The following COL4A1 variants were observed in gnomAD, a reference collection of about 807,000 sequenced individuals.
COL4A1 encodes collagen alpha-1(IV) chain.
COL4A1 carries 40 observed loss-of-function variants against 216.6 expected under a neutral mutation model. The ratio of observed to expected loss-of-function variants is 0.18; its 90% CI spans 0.14 to 0.24. The LOEUF (loss-of-function observed/expected upper bound fraction) is 0.24. Ranked by LOEUF, COL4A1 falls within the 10% of genes least tolerant of loss-of-function variation. The pLI is 1.00. For synonymous variants in COL4A1, 839 were observed against 810.7 expected, an observed-to-expected ratio of 1.03 and a Z score of -0.59; for missense variants, 1,628 against 2,196.8, an observed-to-expected ratio of 0.74 and a Z score of 5.18.
chr13:110,152,599 C>T, intron 50 of COL4A1, 93 bp from the exon 51 acceptor site: 3 of 1,410,558 alleles, frequency 2.1e-6, no homozygotes, highest in Non-Finnish European at 2.9e-6. Context: ...AGGGTGTTCC[C>T]TCTGGAAAGC....
At chr13:110,154,660 T>G (rs1001751682) in intron 50 of COL4A1, among the ~76,000 whole-genome samples, 1 of 152,284 alleles carries the variant, frequency 6.6e-6, no homozygotes, top group African/African-American at 2.4e-5. Flanking sequence ...AAGCTGCTCA[T>G]AGAGAGAAGC....
At chr13:110,170,491 C>A (rs1877585333) in intron 42 of COL4A1, 56 bp downstream of exon 42, 1 of 1,525,050 alleles carries the variant, frequency 6.6e-7, no homozygotes, top group African/African-American at 1.4e-5. Flanking sequence ...TACGCTATTT[C>A]CTTTTGTGAA....
intron 1 of COL4A1, among the ~76,000 whole-genome samples, chr13:110,273,918 C>G (rs1883342305): frequency 6.6e-6 from 1 of 152,210 alleles, no homozygotes; most frequent in Admixed American, 6.5e-5. Context: ...ACTAAATGAT[C>G]CCATTTCCCT....
intron 43 of COL4A1, 114 bp downstream of exon 43, chr13:110,169,515 C>CACACAG (rs1566345815): frequency 1.3e-6 from 2 of 1,534,768 alleles, no homozygotes. Flanking sequence ...CACACACACA[C>CACACAG]ACACACACAC....
At position 110,186,366 on chromosome 13, in the gene COL4A1, C is replaced by T. The variant is rs778179904; in HGVS notation, c.1897+19G>A. The T allele has an allele frequency of 1.9e-6, 3 of 1,612,434 alleles. No individual in the cohort carries two copies. The highest frequency in any genetic ancestry group is 8.5e-7 in the Non-Finnish European group (1 of 1,180,000). ...CCGTTTACAACTTCATGCTGCATCACGAGTTTCTCAGGCCTCACCTGGCAG... is the reference window on the plus strand; with the variant it reads ...CCGTTTACAACTTCATGCTGCATCATGAGTTTCTCAGGCCTCACCTGGCAG... On this transcript the variant is annotated intron_variant, in intron 26 of 51. Transcript: ENST00000375820.
chr13:110,154,046 A>G (rs1594528861), intron 50 of COL4A1, among the ~76,000 whole-genome samples: 1 of 152,230 alleles, frequency 6.6e-6, no homozygotes, highest in East Asian at 1.9e-4. Flanking sequence ...TACAATTGGA[A>G]TAATTTACAG....
At chr13:110,293,449 C>A (rs1382203994) in intron 1 of COL4A1, among the ~76,000 whole-genome samples, 3 of 152,178 alleles carry the variant, frequency 2.0e-5, no homozygotes, top group East Asian at 3.8e-4. Context: ...TCAAATGGCA[C>A]AAGTGCACAT....
chr13:110,305,749 A>C (rs867838011), intron 1 of COL4A1: 2 of 152,398 alleles, frequency 1.3e-5, no homozygotes, highest in Middle Eastern at 6.8e-3. Flanking sequence ...AGCTGCCTCC[A>C]GGGAGATAAG....
At chr13:110,306,695 C>G (rs995790415) in intron 1 of COL4A1, among the ~76,000 whole-genome samples, 37 of 152,254 alleles carry the variant, frequency 2.4e-4, no homozygotes, top group Admixed American at 3.9e-4. Flanking sequence ...CGGGCTGTTT[C>G]TCCTCCCTTC....
In COL4A1 at chr13:110,211,697, A is replaced by C. The variant is rs1879803387; in HGVS notation, c.442-24T>G. ...CCCTAAAAAAGAAAGTTTTGGTGTT[A>C]GTTTTGTTTTTCTCAAAATATCATT... On this transcript the variant is annotated intron_variant, in intron 7 of 51. Coordinates refer to ENST00000375820, the MANE Select transcript of COL4A1 (RefSeq NM_001845.6). This position sits in a 1 kb window ranked among gnomAD's most constrained non-coding sequence, Gnocchi z 4.3. The C allele has an allele frequency of 6.2e-7, 1 of 1,607,922 alleles. No homozygotes were observed. The highest frequency in any genetic ancestry group is 8.5e-7 in the Non-Finnish European group (1 of 1,177,254).
chr13:110,297,596 C>A (rs1193617050), intron 1 of COL4A1, among the ~76,000 whole-genome samples: 1 of 152,136 alleles, frequency 6.6e-6, no homozygotes, highest in Non-Finnish European at 1.5e-5. Flanking sequence ...CATCTGACTC[C>A]AGAGTCTGAA....
chr13:110,162,278 A>C lies in COL4A1; in HGVS notation c.4414T>G (p.Ser1472Ala). The C allele has an allele frequency of 3.1e-6, 5 of 1,614,238 alleles. No homozygotes were observed. The highest frequency in any genetic ancestry group is 4.2e-6 in the Non-Finnish European group (5 of 1,180,046). The change falls in exon 48 of 52, where the codon TCT becomes GCT. Residue 1472 changes from serine to alanine, a missense_variant. Physicochemically the swap from Ser to Ala is moderately conservative, Grantham distance 99. This residue lies in a region of COL4A1 where 254 missense variants were observed against 300.1 expected (regional missense o/e 0.85). Coordinates refer to ENST00000375820, the MANE Select transcript of COL4A1 (RefSeq NM_001845.6). ...TCATTGCCTTGCACGTAGAGCAAAG[A>C]GTACCCGTGGTAAAGAATTTTGGTC... ...SGTKILYHGYSLLYVQGNERA... is the reference protein window; with the variant it reads ...SGTKILYHGYALLYVQGNERA...
chr13:110,224,018 A>T (rs561005086), intron 2 of COL4A1, among the ~76,000 whole-genome samples: 17 of 152,332 alleles, frequency 1.1e-4, no homozygotes, highest in East Asian at 3.9e-4. Flanking sequence ...CATTAAAAAA[A>T]ATATATATGG....
At chr13:110,242,552 G>T in intron 2 of COL4A1, 123 bp downstream of exon 2, 1 of 1,105,408 alleles carries the variant, frequency 9.0e-7, no homozygotes, top group South Asian at 1.2e-5. Flanking sequence ...GTATTGCTCT[G>T]GGGAAATTAT....
At chr13:110,243,325 T>C (rs1362647549) in intron 1 of COL4A1, among the ~76,000 whole-genome samples, 1 of 152,138 alleles carries the variant, frequency 6.6e-6, no homozygotes, top group Non-Finnish European at 1.5e-5. Flanking sequence ...TAGTTCACTT[T>C]TTTTTTTTTA....
At chr13:110,196,135 G>A (rs1012827707) in intron 21 of COL4A1, among the ~76,000 whole-genome samples, 2 of 152,218 alleles carry the variant, frequency 1.3e-5, no homozygotes, top group East Asian at 1.9e-4. Context: ...GTTAGCTTCC[G>A]CTGTGTAGGA....
At chr13:110,182,301 T>TG (rs1447240553) in intron 28 of COL4A1, among the ~76,000 whole-genome samples, 1 of 152,206 alleles carries the variant, frequency 6.6e-6, no homozygotes, top group Non-Finnish European at 1.5e-5. Context: ...GGATGGGGCC[T>TG]GGAGCCTCTG....
At chr13:110,186,025 C>G (rs578225787) in intron 26 of COL4A1, among the ~76,000 whole-genome samples, 1 of 152,342 alleles carries the variant, frequency 6.6e-6, no homozygotes, top group African/African-American at 2.4e-5. Flanking sequence ...TCGGGATGCA[C>G]AGAAGCCAAA....
intron 22 of COL4A1, among the ~76,000 whole-genome samples, chr13:110,193,675 C>T (rs556327598): frequency 1.4e-4 from 22 of 152,364 alleles, no homozygotes; most frequent in African/African-American, 2.9e-4. Flanking sequence ...CAGCCGCACA[C>T]GGGCACTGCT....
Sources: gnomAD v4.1 joint callset for allele counts (sites outside exome capture counted in the v4.1 genomes callset) on GRCh38, gnomAD v4.1.1 for gene constraint, gnomAD v4.1.1 regional missense constraint, Gnocchi (gnomAD v3.1) non-coding constraint, MANE v1.5 for transcripts, NCBI Gene and HGNC (gene_info 2026-07-23, HGNC 2026-07-21) for gene names.